Variants in FSTL1 observed in about 807,000 individuals in gnomAD.
FSTL1 encodes the protein follistatin like 1, also known as follistatin-related protein 1.
FSTL1 carries 24 observed loss-of-function variants against 45.9 expected under a neutral mutation model. The observed-to-expected ratio is 0.52, with a 90% CI of 0.38 to 0.74. The LOEUF (loss-of-function observed/expected upper bound fraction) is 0.74. Among genes scored for constraint, FSTL1 ranks in the 30% least tolerant of loss-of-function variants. The probability of loss-of-function intolerance (pLI) is 0.00; values close to 1 mark genes in which losing one functional copy is unlikely to be tolerated. For synonymous variants in FSTL1, 120 were observed against 137.6 expected (o/e 0.87, Z 0.89); for missense variants, 340 against 381.8 (o/e 0.89, Z 0.91).
At chr3:120,398,006 T>C (rs1416235315) in intron 10 of FSTL1, among the ~76,000 whole-genome samples, 3 of 152,206 alleles carry the variant, frequency 2.0e-5, no homozygotes, top group Admixed American at 6.5e-5. Flanking sequence ...GAAAAGGCTA[T>C]ACTGTTGTAT....
chr3:120,429,414 A>C (rs1216397474), intron 2 of FSTL1, among the ~76,000 whole-genome samples: 1 of 152,240 alleles, frequency 6.6e-6, no homozygotes, highest in Non-Finnish European at 1.5e-5. Context: ...TTGAGAGTTA[A>C]AGGAAACCTT....
intron 5 of FSTL1, 77 bp from the exon 6 acceptor site, chr3:120,409,739 G>GC: frequency 2.1e-6 from 3 of 1,413,402 alleles, no homozygotes; most frequent in Non-Finnish European, 3.0e-6. Context: ...CTGTGTGGGA[G>GC]CATCCGTGCC....
rs58296615 is a variant in FSTL1, at chr3:120,393,881, C to T, written c.*3071G>A. The T allele has an allele frequency of 0.029, 4,347 of 152,240 alleles. 123 individuals carry two copies. Among genetic ancestry groups the T allele is most frequent in the African/African-American group, 0.076 (3,146 of 41,516 alleles). The allele number at this position is 152,240 out of a possible 1,614,324, so 9.4% of individuals were successfully genotyped here. ...CATGTGGGGATGCATCAAAAAGGTGCATTCTTTGAAGCAGGCAAGCTTCAA... is the reference window on the plus strand; with the variant it reads ...CATGTGGGGATGCATCAAAAAGGTGTATTCTTTGAAGCAGGCAAGCTTCAA... On this transcript the variant is annotated 3_prime_UTR_variant, in exon 11 of 11. Coordinates refer to ENST00000295633, the MANE Select transcript of FSTL1 (RefSeq NM_007085.5).
intron 2 of FSTL1, among the ~76,000 whole-genome samples, chr3:120,430,980 A>AT (rs568701813): frequency 4.0e-5 from 6 of 151,688 alleles, no homozygotes; most frequent in East Asian, 1.9e-4. Context: ...TAGTAGGTAC[A>AT]TTTTTTTTTG....
At chr3:120,435,423 A>G (rs1026758145) in intron 2 of FSTL1, among the ~76,000 whole-genome samples, 1 of 151,910 alleles carries the variant, frequency 6.6e-6, no homozygotes, top group Non-Finnish European at 1.5e-5. Context: ...CCTCATCACT[A>G]TTTTCCTCCT....
intron 3 of FSTL1, among the ~76,000 whole-genome samples, chr3:120,412,832 GCGCGCGCA>G (rs1183238892): frequency 0.24 from 30,733 of 128,470 alleles, 4,003 homozygotes; most frequent in Non-Finnish European, 0.31. Context: ...GCGCGCGCGC[GCGCGCGCA>G]CACACACACA....
chr3:120,429,454 A>C (rs566673070), intron 2 of FSTL1, among the ~76,000 whole-genome samples: 1 of 152,242 alleles, frequency 6.6e-6, no homozygotes, highest in African/African-American at 2.4e-5. Context: ...CAACAGGCCT[A>C]AACTGTGACA....
At chr3:120,409,717 A>G (rs1937015000) in intron 5 of FSTL1, 55 bp from the exon 6 acceptor site, 2 of 1,582,818 alleles carry the variant, frequency 1.3e-6, no homozygotes, top group Admixed American at 3.3e-5. Context: ...CCCCAGTGAT[A>G]TCTGGCACCC....
Position 120,392,487 on chromosome 3 carries a change from T to C in FSTL1, c.*4465A>G, listed in dbSNP as rs1936613139. ...TACTGGTGCAACTTCTTTGACTTTATAGGCAATCATAGGCAAATTTATAAA... is the reference window on the plus strand; with the variant it reads ...TACTGGTGCAACTTCTTTGACTTTACAGGCAATCATAGGCAAATTTATAAA... On this transcript the variant is annotated 3_prime_UTR_variant, in exon 11 of 11. Transcript: ENST00000295633. 6.6e-6 allele frequency: 1 copy of C among 152,242 alleles called. No individual in the cohort carries two copies. The highest frequency in any genetic ancestry group is 2.4e-5 in the African/African-American group (1 of 41,468). The allele number at this position is 152,242 out of a possible 1,614,324, so 9.4% of individuals were successfully genotyped here.
chr3:120,395,718 C>T lies in FSTL1; in HGVS notation c.*1234G>A, dbSNP rs1184386288. 1 of 534,626 alleles carries T rather than the reference C, an allele frequency of 1.9e-6. No individual in the cohort carries two copies. Among genetic ancestry groups the T allele is most frequent in the South Asian group, 1.4e-5 (1 of 71,582 alleles). 33.1% of individuals were successfully genotyped at this position (534,626 alleles called of 1,614,324 possible). A position where few individuals can be genotyped will look rare whatever the true frequency, so the allele number is the denominator to read the frequency against. ...AAAATCACAGGAACCTATCTCCCCT[C>T]TGGACCAATGATCAGAACCACAGAA... On this transcript the variant is annotated 3_prime_UTR_variant, in exon 11 of 11. Coordinates refer to ENST00000295633, the MANE Select transcript of FSTL1 (RefSeq NM_007085.5).
rs2107646999 is a variant in FSTL1 at position 120,396,241 on chromosome 3, T to C, written c.*711A>G. The C allele has an allele frequency of 6.6e-6, 1 of 151,962 alleles. No individual in the cohort carries two copies. Among genetic ancestry groups the C allele is most frequent in the South Asian group, 2.1e-4 (1 of 4,748 alleles). The allele number at this position is 151,962 out of a possible 1,614,324, so 9.4% of individuals were successfully genotyped here. A position where few individuals can be genotyped will look rare whatever the true frequency, so the allele number is the denominator to read the frequency against. On this transcript the variant is annotated 3_prime_UTR_variant, in exon 11 of 11. Coordinates refer to ENST00000295633, the MANE Select transcript of FSTL1 (RefSeq NM_007085.5). ...AAAATAAAATATTAAAAAACAATAA[T>C]ATAATGATAATAATTGAAGAATAAA...
chr3:120,442,724 A>C (rs1023264404), intron 2 of FSTL1, among the ~76,000 whole-genome samples: 1 of 143,978 alleles, frequency 6.9e-6, no homozygotes, highest in Non-Finnish European at 1.5e-5. Flanking sequence ...AGGAGGTTGC[A>C]GTGAGCCGAG....
intron 2 of FSTL1, among the ~76,000 whole-genome samples, chr3:120,447,088 G>A (rs1302926409): frequency 1.3e-5 from 2 of 152,180 alleles, no homozygotes; most frequent in Non-Finnish European, 2.9e-5. Context: ...AAAGCAGGCA[G>A]TTGGGCCACA....
chr3:120,442,675 G>A (rs1340124530), intron 2 of FSTL1, among the ~76,000 whole-genome samples: 1 of 151,508 alleles, frequency 6.6e-6, no homozygotes, highest in East Asian at 1.9e-4. Context: ...AGCTACTCAG[G>A]AGGCTGAGGC....
At chr3:120,429,249 G>A (rs1937437042) in intron 2 of FSTL1, among the ~76,000 whole-genome samples, 1 of 152,256 alleles carries the variant, frequency 6.6e-6, no homozygotes, top group East Asian at 1.9e-4. Context: ...ACTCTCAGAG[G>A]AGAGTTTGTG....
chr3:120,435,343 T>G (rs1390166869), intron 2 of FSTL1, among the ~76,000 whole-genome samples: 1 of 152,238 alleles, frequency 6.6e-6, no homozygotes. Flanking sequence ...TTGCCTCATC[T>G]GCATTTGCTT....
intron 2 of FSTL1, among the ~76,000 whole-genome samples, chr3:120,443,850 C>T (rs983609632): frequency 6.7e-6 from 1 of 149,752 alleles, no homozygotes; most frequent in Non-Finnish European, 1.5e-5. Context: ...GGAAATCCTC[C>T]AACCAAAGCA....
rs1936664104 is a variant in FSTL1, at chr3:120,394,793, G to A, written c.*2159C>T. 6.6e-6 allele frequency: 1 copy of A among 152,204 alleles called. No homozygotes were observed. Among genetic ancestry groups the A allele is most frequent in the East Asian group, 1.9e-4 (1 of 5,204 alleles). The allele number at this position is 152,204 out of a possible 1,614,324, so 9.4% of individuals were successfully genotyped here. On this transcript the variant is annotated 3_prime_UTR_variant, in exon 11 of 11. Coordinates refer to ENST00000295633, the MANE Select transcript of FSTL1 (RefSeq NM_007085.5). Reference sequence around the variant, plus strand: ...GATCATGTGATTCTACGGCATAGACGACAGCTGCCCTATTTACACAGAAGC... The same window carrying A: ...GATCATGTGATTCTACGGCATAGACAACAGCTGCCCTATTTACACAGAAGC...
chr3:120,409,536 A>G lies in FSTL1; in HGVS notation c.458T>C (p.Phe153Ser). 1 of 1,613,898 alleles carries G rather than the reference A, an allele frequency of 6.2e-7. No homozygotes were observed. The highest frequency in any genetic ancestry group is 8.5e-7 in the Non-Finnish European group (1 of 1,179,820). The change falls in exon 6 of 11, where the codon TTT becomes TCT. Residue 153 changes from phenylalanine to serine, a missense_variant. Phe to Ser is a radical substitution (Grantham distance 155). Transcript: ENST00000295633. ...TTCCTCCTACCTCTGGATTACCTTA[A>G]AATACTTGTCTAGGATTTCACTGTA... ...SNYSEILDKY[F>S]KNFDNGDSRL...
Sources: gnomAD v4.1 joint callset for allele counts (sites outside exome capture counted in the v4.1 genomes callset) on GRCh38, gnomAD v4.1.1 for gene constraint, MANE v1.5 for transcripts, NCBI Gene and HGNC (gene_info 2026-07-23, HGNC 2026-07-21) for gene names.